Variants in EGFR observed in about 807,000 individuals in gnomAD.
EGFR encodes the protein avian erythroblastic leukemia viral (v-erb-b) oncogene homolog.
A neutral mutation model predicts 143.0 loss-of-function variants in EGFR; 58 were observed. The ratio of observed to expected loss-of-function variants is 0.41; its 90% CI spans 0.33 to 0.50. The LOEUF is 0.50. EGFR is among the 20% of genes least tolerant of loss of function. The probability of loss-of-function intolerance (pLI) is 0.39; values close to 1 mark genes in which losing one functional copy is unlikely to be tolerated. For synonymous variants in EGFR, 613 were observed against 594.4 expected, an observed-to-expected ratio of 1.03 and a Z score of -0.45; for missense variants, 1,307 against 1,579.0, an observed-to-expected ratio of 0.83 and a Z score of 2.92.
intron 21 of EGFR, among the ~76,000 whole-genome samples, chr7:55,192,384 C>T (rs1787436795): frequency 1.3e-5 from 2 of 152,192 alleles, no homozygotes; most frequent in Admixed American, 6.5e-5. Context: ...CTGTCAGGCC[C>T]TCGAATGCCC....
At chr7:55,123,414 CTT>C (rs966866026) in intron 1 of EGFR, among the ~76,000 whole-genome samples, 4 of 152,046 alleles carry the variant, frequency 2.6e-5, no homozygotes, top group Non-Finnish European at 5.9e-5. Flanking sequence ...ATAAAGAAAA[CTT>C]AACTAAAAAT....
intron 19 of EGFR, 120 bp downstream of exon 19, chr7:55,174,940 T>C (rs1444138271): frequency 5.1e-6 from 4 of 783,482 alleles, no homozygotes; most frequent in South Asian, 2.9e-5. Flanking sequence ...AATGTTCACT[T>C]TCTATGTCTT....
At chr7:55,161,433 C>T (rs939083716) in intron 12 of EGFR, 66 bp from the exon 13 acceptor site, 7 of 1,560,398 alleles carry the variant, frequency 4.5e-6, no homozygotes, top group African/African-American at 2.7e-5. Flanking sequence ...GGGAAGGTGC[C>T]GTCTCCTCCG....
intron 1 of EGFR, among the ~76,000 whole-genome samples, chr7:55,067,434 A>G (rs1206446705): frequency 6.6e-6 from 1 of 151,656 alleles, no homozygotes; most frequent in East Asian, 1.9e-4. Context: ...GAAAGCCCCA[A>G]CAAGTTACCT....
chr7:55,051,108 G>A (rs1018313457), intron 1 of EGFR, among the ~76,000 whole-genome samples: 4 of 152,226 alleles, frequency 2.6e-5, no homozygotes, highest in Non-Finnish European at 5.9e-5. Context: ...TGGCCCATGG[G>A]AGAGCTGTTG....
At chr7:55,111,248 A>G (rs1007579541) in intron 1 of EGFR, among the ~76,000 whole-genome samples, 2 of 152,186 alleles carry the variant, frequency 1.3e-5, no homozygotes, top group East Asian at 1.9e-4. Context: ...GTTTTGCTTC[A>G]TTCTTTAGAC....
intron 15 of EGFR, among the ~76,000 whole-genome samples, chr7:55,167,924 A>G (rs1786148917): frequency 6.6e-6 from 1 of 152,224 alleles, no homozygotes; most frequent in South Asian, 2.1e-4. Flanking sequence ...TAATGGGAAT[A>G]GCTCTAATGT....
At chr7:55,174,924 A>C (rs1316832346) in intron 19 of EGFR, 104 bp downstream of exon 19, 2 of 861,088 alleles carry the variant, frequency 2.3e-6, no homozygotes, top group Admixed American at 3.8e-5. Flanking sequence ...TCATCTCCAC[A>C]TCCTAAATGT....
Position 55,207,018 on chromosome 7 carries a change from G to A in EGFR, c.*1401G>A, listed in dbSNP as rs796815853. On this transcript the variant is annotated 3_prime_UTR_variant, in exon 28 of 28. Coordinates refer to ENST00000275493, the MANE Select transcript of EGFR (RefSeq NM_005228.5). ...ATAATTTCTCTACAATTGGAAGATTGGAAGATTCAGCTAGTTAGGAGCCCA... is the reference window on the plus strand; with the variant it reads ...ATAATTTCTCTACAATTGGAAGATTAGAAGATTCAGCTAGTTAGGAGCCCA... The A allele has an allele frequency of 5.1e-5, 12 of 233,028 alleles. No individual in the cohort carries two copies. Among genetic ancestry groups the A allele is most frequent in the African/African-American group, 2.6e-4 (12 of 45,458 alleles). 14.4% of individuals were successfully genotyped at this position (233,028 alleles called of 1,614,324 possible).
intron 1 of EGFR, among the ~76,000 whole-genome samples, chr7:55,063,276 C>T (rs1018435036): frequency 3.3e-5 from 5 of 152,144 alleles, no homozygotes; most frequent in South Asian, 2.1e-4. Flanking sequence ...TTCTCTCCCC[C>T]GCATTTCCTC....
At chr7:55,136,767 G>T (rs1388073051) in intron 1 of EGFR, among the ~76,000 whole-genome samples, 1 of 152,220 alleles carries the variant, frequency 6.6e-6, no homozygotes, top group Non-Finnish European at 1.5e-5. Context: ...ATGGCTGGGA[G>T]CCAGAGCTCC....
At chr7:55,203,470 CA>C (rs1787956967) in intron 27 of EGFR, among the ~76,000 whole-genome samples, 1 of 147,548 alleles carries the variant, frequency 6.8e-6, no homozygotes, top group African/African-American at 2.5e-5. Flanking sequence ...CACATACACA[CA>C]CACCACACAT....
chr7:55,163,933 G>A, intron 14 of EGFR, 110 bp downstream of exon 14: 1 of 1,255,398 alleles, frequency 8.0e-7, no homozygotes, highest in Non-Finnish European at 1.2e-6. Flanking sequence ...GGCCATCAGA[G>A]CCACTTCCCA....
At chr7:55,136,872 T>A (rs1003972367) in intron 1 of EGFR, among the ~76,000 whole-genome samples, 2 of 152,212 alleles carry the variant, frequency 1.3e-5, no homozygotes, top group Non-Finnish European at 2.9e-5. Context: ...TGTTTTTGAA[T>A]CCTATCATGT....
At chr7:55,204,038 A>G (rs1787990205) in intron 27 of EGFR, among the ~76,000 whole-genome samples, 1 of 151,548 alleles carries the variant, frequency 6.6e-6, no homozygotes, top group African/African-American at 2.4e-5. Flanking sequence ...AATATCTAAT[A>G]TATAGTTTAT....
intron 13 of EGFR, 124 bp from the exon 14 acceptor site, chr7:55,163,609 A>G: frequency 2.6e-6 from 2 of 780,486 alleles, no homozygotes; most frequent in East Asian, 2.5e-5. Context: ...ATATTACTAT[A>G]TAGTCCTGGA....
chr7:55,081,720 GT>G (rs34610296), intron 1 of EGFR, among the ~76,000 whole-genome samples: 3,198 of 131,832 alleles, frequency 0.024, 125 homozygotes, highest in African/African-American at 0.075. Flanking sequence ...TTTTAGACTG[GT>G]TTTTTTTTTT....
chr7:55,106,586 C>T (rs1792145991), intron 1 of EGFR, among the ~76,000 whole-genome samples: 1 of 152,206 alleles, frequency 6.6e-6, no homozygotes, highest in African/African-American at 2.4e-5. Flanking sequence ...ACTGCCTGTG[C>T]ACTCCACAAT....
At chr7:55,118,444 C>G (rs554723967) in intron 1 of EGFR, among the ~76,000 whole-genome samples, 1 of 152,162 alleles carries the variant, frequency 6.6e-6, no homozygotes, top group Non-Finnish European at 1.5e-5. Context: ...AAGGCACCAT[C>G]CCAAAGACCA....
Sources: gnomAD v4.1 joint callset for allele counts (sites outside exome capture counted in the v4.1 genomes callset) on GRCh38, gnomAD v4.1.1 for gene constraint, MANE v1.5 for transcripts, NCBI Gene and HGNC (gene_info 2026-07-23, HGNC 2026-07-21) for gene names.